ZNF280C: variants seen among roughly 807,000 people sequenced by gnomAD.
ZNF280C encodes zinc finger protein 280C, also known as suppressor of hairy wing homolog 3.
ZNF280C carries 14 observed loss-of-function variants against 53.6 expected under a neutral mutation model. The ratio of observed to expected loss-of-function variants is 0.26; its 90% CI spans 0.17 to 0.41. The LOEUF is 0.41. Among genes scored for constraint, ZNF280C ranks in the 10% least tolerant of loss-of-function variants. ZNF280C has a pLI of 1.00. For synonymous variants in ZNF280C, 203 were observed against 181.1 expected (o/e 1.12, Z -0.97); for missense variants, 416 against 547.1 (o/e 0.76, Z 2.39).
At chrX:130,216,185 A>T in intron 13 of ZNF280C, 84 bp from the exon 14 acceptor site, 1 of 882,852 alleles carries the variant, frequency 1.1e-6, no homozygotes, top group Non-Finnish European at 1.6e-6. Context: ...CGTAAATATC[A>T]CATTTACGGT....
intron 15 of ZNF280C, among the ~76,000 whole-genome samples, chrX:130,210,540 G>A (rs1013620347): frequency 8.9e-5 from 10 of 112,128 alleles, no homozygotes; most frequent in Non-Finnish European, 3.8e-5. Context: ...TGGGGAGGGG[G>A]ATAATCTGAA....
At chrX:130,261,814 T>A (rs981021233) in intron 1 of ZNF280C, among the ~76,000 whole-genome samples, 5 of 110,780 alleles carry the variant, frequency 4.5e-5, no homozygotes, top group South Asian at 3.8e-4. Context: ...CTTTTTTTTT[T>A]TAATTTTTAT....
chrX:130,262,194 A>G (rs1443744682), intron 1 of ZNF280C, among the ~76,000 whole-genome samples: 4 of 111,648 alleles, frequency 3.6e-5, no homozygotes, highest in African/African-American at 6.5e-5. Flanking sequence ...CATTAGAGCC[A>G]TAACTTCAGT....
intron 1 of ZNF280C, among the ~76,000 whole-genome samples, chrX:130,266,260 TATG>T (rs1157244431): frequency 8.9e-6 from 1 of 111,926 alleles, no homozygotes; most frequent in Non-Finnish European, 1.9e-5. Flanking sequence ...AAAAATGCTG[TATG>T]ATCTCACATG....
rs199619892 is a variant in ZNF280C, at chrX:130,230,572, C to G, written c.927G>C (p.Glu309Asp). ...YGRHEGVTEK[E>D]PKTYTTFKCF... ...ATTTAAAGGTTGTGTAAGTCTTTGG[C>G]TCTTTCTCAGTGACTCCTTCATGCC... The change falls in exon 9 of 19, where the codon GAG becomes GAC. Residue 309 changes from glutamate to aspartate, a missense_variant. Physicochemically the swap from Glu to Asp is conservative, Grantham distance 45. Around this residue, in one of 3 missense-constraint regions of ZNF280C, gnomAD observed 72 missense variants for 168.8 expected, o/e 0.43. Transcript: ENST00000370978. 41 of 1,208,730 alleles carry G rather than the reference C, an allele frequency of 3.4e-5. No individual in the cohort carries two copies. The highest frequency in any genetic ancestry group is 2.3e-4 in the Middle Eastern group (1 of 4,365).
chrX:130,206,913 A>G (rs1200163083), intron 16 of ZNF280C, among the ~76,000 whole-genome samples: 1 of 112,335 alleles, frequency 8.9e-6, no homozygotes, highest in Non-Finnish European at 1.9e-5. Flanking sequence ...TACTTACTCT[A>G]TGCCAGTCTG....
In ZNF280C at chrX:130,205,159, A is replaced by G. The variant is rs902281025; in HGVS notation, c.2162-6T>C. 1 of 1,200,234 alleles carries G rather than the reference A, an allele frequency of 8.3e-7. No individual in the cohort carries two copies. The highest frequency in any genetic ancestry group is 1.1e-6 in the Non-Finnish European group (1 of 888,425). On this transcript the variant is annotated splice_region_variant and splice_polypyrimidine_tract_variant and intron_variant, in intron 17 of 18. Transcript: ENST00000370978. ...AGTTGAGGTACTTTTGGAAACTGAA[A>G]TCAAAAGAGTTTTACATTTACAATA... is the stretch of plus-strand genomic sequence containing the variant.
intron 16 of ZNF280C, among the ~76,000 whole-genome samples, chrX:130,205,833 G>C (rs958660584): frequency 7.7e-5 from 8 of 103,946 alleles, no homozygotes; most frequent in Non-Finnish European, 1.4e-4. Flanking sequence ...AGGTTGCAGT[G>C]AGCCAAGATT....
chrX:130,267,325 T>C (rs1338486211), intron 1 of ZNF280C, among the ~76,000 whole-genome samples: 2 of 111,694 alleles, frequency 1.8e-5, no homozygotes, highest in East Asian at 5.6e-4. Context: ...AAAAAGGAAT[T>C]GAATAATACT....
chrX:130,226,095 C>T (rs1388662617), intron 12 of ZNF280C, among the ~76,000 whole-genome samples: 1 of 112,262 alleles, frequency 8.9e-6, no homozygotes, highest in Non-Finnish European at 1.9e-5. Context: ...ATACTGGTAT[C>T]CCAGAAATTA....
chrX:130,215,720 G>A, intron 14 of ZNF280C, 71 bp downstream of exon 14: 2 of 974,420 alleles, frequency 2.1e-6, no homozygotes, highest in Non-Finnish European at 2.8e-6. Context: ...TGTGTAAGAG[G>A]GTTTTATGAT....
chrX:130,216,152 G>A (rs914302603), intron 13 of ZNF280C, 51 bp from the exon 14 acceptor site: 1 of 1,027,871 alleles, frequency 9.7e-7, no homozygotes. Context: ...CATCGCATTA[G>A]TATTAAAAAT....
chrX:130,210,041 G>A (rs962114922), intron 15 of ZNF280C, among the ~76,000 whole-genome samples: 18 of 111,319 alleles, frequency 1.6e-4, no homozygotes, highest in Non-Finnish European at 2.8e-4. Flanking sequence ...CACCATGTGA[G>A]GACGCAGTGA....
At chrX:130,237,926 G>A (rs2032351388) in intron 6 of ZNF280C, among the ~76,000 whole-genome samples, 1 of 110,540 alleles carries the variant, frequency 9.0e-6, no homozygotes, top group African/African-American at 3.3e-5. Flanking sequence ...ATAATAGACT[G>A]TTTTAATATA....
intron 3 of ZNF280C, among the ~76,000 whole-genome samples, chrX:130,244,777 T>TAA (rs58124928): frequency 2.3e-4 from 15 of 65,381 alleles, no homozygotes; most frequent in Non-Finnish European, 3.2e-4. Flanking sequence ...GACTCCATCT[T>TAA]AAAAAAAAAA....
At chrX:130,229,271 C>T (rs1603241967) in intron 9 of ZNF280C, 137 bp from the exon 10 acceptor site, 1 of 513,175 alleles carries the variant, frequency 1.9e-6, no homozygotes, top group East Asian at 3.7e-5. Flanking sequence ...TGAAAGCACT[C>T]TATAAAGTGT....
chrX:130,215,144 A>C, intron 15 of ZNF280C, 49 bp downstream of exon 15: 1 of 1,186,337 alleles, frequency 8.4e-7, no homozygotes, highest in Non-Finnish European at 1.1e-6. Flanking sequence ...TTCAAAAAAC[A>C]AATGACCCAA....
In ZNF280C at chrX:130,215,940, A is replaced by G; in HGVS notation, c.1689T>C (p.Ser563=). The part of the protein sequence containing the change: ...RKSNASRSKT[S]KLHATTSTAS... ...CAGTGGATGTAGTTGCATGAAGCTTACTTGTCTTAGATCTACTGGCATTAG... is the reference window on the plus strand; with the variant it reads ...CAGTGGATGTAGTTGCATGAAGCTTGCTTGTCTTAGATCTACTGGCATTAG... The change falls in exon 14 of 19, where the codon AGT becomes AGC. Residue 563 remains serine (S), a synonymous_variant. Coordinates refer to ENST00000370978, the MANE Select transcript of ZNF280C (RefSeq NM_017666.5). 1 of 1,211,278 alleles carries G rather than the reference A, an allele frequency of 8.3e-7. No individual in the cohort carries two copies. Among genetic ancestry groups the G allele is most frequent in the Non-Finnish European group, 1.1e-6 (1 of 895,398 alleles).
intron 1 of ZNF280C, among the ~76,000 whole-genome samples, chrX:130,263,420 T>C (rs1405425190): frequency 8.9e-6 from 1 of 112,252 alleles, no homozygotes; most frequent in African/African-American, 3.2e-5. Flanking sequence ...TAATGGGCCT[T>C]GAGAACATTA....
Sources: gnomAD v4.1 joint callset for allele counts (sites outside exome capture counted in the v4.1 genomes callset) on GRCh38, gnomAD v4.1.1 for gene constraint, gnomAD v4.1.1 regional missense constraint, MANE v1.5 for transcripts, NCBI Gene and HGNC (gene_info 2026-07-23, HGNC 2026-07-21) for gene names.